The following WIF1 variants were observed in gnomAD, a reference collection of about 807,000 sequenced individuals.
The protein encoded by WIF1 is Wnt inhibitory factor 1.
WIF1 carries 35 observed loss-of-function variants against 53.5 expected under a neutral mutation model. That is an observed-to-expected ratio of 0.65 (90% CI 0.50 to 0.87). WIF1 has a LOEUF of 0.87. Ranked by LOEUF, WIF1 falls within the 40% of genes least tolerant of loss-of-function variation. The pLI, the probability that WIF1 is intolerant of heterozygous loss-of-function variation, is 0.00. For missense variants in WIF1, 467 were observed against 476.8 expected (o/e 0.98, Z 0.19); for synonymous variants, 171 against 170.4 (o/e 1.00, Z -0.03).
chr12:65,094,721 T>C (rs888458804), intron 2 of WIF1, among the ~76,000 whole-genome samples: 3 of 152,040 alleles, frequency 2.0e-5, no homozygotes, highest in Non-Finnish European at 4.4e-5. Flanking sequence ...CAGATGAGTA[T>C]ATAAAACCAA....
In WIF1 at chr12:65,120,047, G is replaced by A. The variant is rs74927837; in HGVS notation, c.288+370C>T. Reference sequence around the variant, plus strand: ...AACTTTAAAATTTGTTGTAAAGTATGAAGAATGTCACAAGTGATTAGAAAC... The same window carrying A: ...AACTTTAAAATTTGTTGTAAAGTATAAAGAATGTCACAAGTGATTAGAAAC... On this transcript the variant is annotated intron_variant, in intron 2 of 9. Transcript: ENST00000286574. Among the ~76,000 whole-genome samples the A allele has an allele frequency of 8.7e-4, 133 of 152,300 alleles. 3 individuals carry two copies. In the East Asian group the frequency reaches 0.023, roughly 26 times the overall value.
intron 2 of WIF1, among the ~76,000 whole-genome samples, chr12:65,090,477 C>T (rs1883105849): frequency 6.6e-6 from 1 of 152,044 alleles, no homozygotes; most frequent in Non-Finnish European, 1.5e-5. Context: ...GATCATTAAT[C>T]AAGTAAGTAA....
intron 2 of WIF1, among the ~76,000 whole-genome samples, chr12:65,107,124 T>C (rs914992485): frequency 6.6e-6 from 1 of 152,200 alleles, no homozygotes; most frequent in Non-Finnish European, 1.5e-5. Flanking sequence ...AAAAACAATG[T>C]TGAGATGAAA....
chr12:65,114,848 G>A (rs563790719), intron 2 of WIF1, among the ~76,000 whole-genome samples: 1 of 152,070 alleles, frequency 6.6e-6, no homozygotes, highest in South Asian at 2.1e-4. Flanking sequence ...GCAACACTTC[G>A]GTTTTGTTTT....
rs148618282 is a variant in WIF1, at chr12:65,083,350, G to T, written c.289-5496C>A. On this transcript the variant is annotated intron_variant, in intron 2 of 9. Transcript: ENST00000286574. ...ATGATTAAAATAATCTGAATATCTA[G>T]AGCAAAAATTGCCAGATCTCACATT... 8.7e-4 allele frequency among the ~76,000 whole-genome samples: 132 copies of T among 152,184 alleles called. 1 individual carries two copies. The highest frequency in any genetic ancestry group is 2.9e-3 in the African/African-American group (121 of 41,544).
chr12:65,102,788 G>A (rs1199288863), intron 2 of WIF1, among the ~76,000 whole-genome samples: 1 of 152,078 alleles, frequency 6.6e-6, no homozygotes, highest in Non-Finnish European at 1.5e-5. Flanking sequence ...CCTAGTCCTG[G>A]CCCTCTGTTC....
At chr12:65,112,551 A>G (rs1883450053) in intron 2 of WIF1, among the ~76,000 whole-genome samples, 1 of 152,062 alleles carries the variant, frequency 6.6e-6, no homozygotes, top group African/African-American at 2.4e-5. Context: ...GACCCAACAC[A>G]TACTCAACGA....
chr12:65,098,525 T>C (rs1883237287), intron 2 of WIF1, among the ~76,000 whole-genome samples: 1 of 152,186 alleles, frequency 6.6e-6, no homozygotes, highest in Non-Finnish European at 1.5e-5. Context: ...CACTTCCGTT[T>C]TGCTATTGTT....
At position 65,077,827 on chromosome 12, in the gene WIF1, A is replaced by G. The variant is rs140381472; in HGVS notation, c.316T>C (p.Leu106=). 12 of 1,613,824 alleles carry G rather than the reference A, an allele frequency of 7.4e-6. No individual in the cohort carries two copies. The African/African-American group carries it at 1.6e-4, about 22-fold the overall frequency. The change falls in exon 3 of 10, where the codon TTG becomes CTG. Residue 106 remains leucine, a synonymous_variant. Coordinates refer to ENST00000286574, the MANE Select transcript of WIF1 (RefSeq NM_007191.5). ...ATGATGCCTTTATCCAGGGAGCGCA[A>G]GGACAGGAATTCATAGAAGTATTCT... is the stretch of plus-strand genomic sequence containing the variant. The part of the protein sequence containing the change: ...QAEYFYEFLS[L]RSLDKGIMAD...
At chr12:65,062,005 G>A (rs776142996) in intron 7 of WIF1, among the ~76,000 whole-genome samples, 11 of 151,990 alleles carry the variant, frequency 7.2e-5, no homozygotes, top group African/African-American at 1.7e-4. Flanking sequence ...ATTGCTATGC[G>A]CCTCTTTTTT....
intron 6 of WIF1, 89 bp from the exon 7 acceptor site, chr12:65,062,665 C>A: frequency 8.6e-7 from 1 of 1,159,868 alleles, no homozygotes; most frequent in African/African-American, 1.5e-5. Context: ...ATTTTTTAGG[C>A]ATCTGCTTGC....
chr12:65,076,089 G>A (rs1233635122), intron 3 of WIF1, among the ~76,000 whole-genome samples: 3 of 152,214 alleles, frequency 2.0e-5, no homozygotes, highest in African/African-American at 7.2e-5. Context: ...CCTGGCTGGA[G>A]TGCAGTGGTG....
intron 2 of WIF1, among the ~76,000 whole-genome samples, chr12:65,081,421 C>T (rs7299766): frequency 0.45 from 67,868 of 151,914 alleles, 18,054 homozygotes; most frequent in East Asian, 0.69. Context: ...TCAGGTATGA[C>T]CACAGAAGGT....
chr12:65,104,436 G>A (rs1247782634), intron 2 of WIF1, among the ~76,000 whole-genome samples: 1 of 152,140 alleles, frequency 6.6e-6, no homozygotes, highest in Non-Finnish European at 1.5e-5. Context: ...ATTTCAAAGG[G>A]CTCAAATTGC....
chr12:65,099,568 C>G (rs542160892), intron 2 of WIF1, among the ~76,000 whole-genome samples: 1 of 152,300 alleles, frequency 6.6e-6, no homozygotes, highest in Admixed American at 6.5e-5. Context: ...GCAGACACTT[C>G]AAAGCCTGAA....
chr12:65,110,254 C>A (rs1251225760), intron 2 of WIF1, among the ~76,000 whole-genome samples: 1 of 143,458 alleles, frequency 7.0e-6, no homozygotes, highest in East Asian at 2.2e-4. Flanking sequence ...CTGCCCCCTG[C>A]CCCCTTCCCC....
At chr12:65,059,703 G>A (rs1213207451) in intron 7 of WIF1, among the ~76,000 whole-genome samples, 1 of 151,774 alleles carries the variant, frequency 6.6e-6, no homozygotes, top group Admixed American at 6.6e-5. Flanking sequence ...CTAGGCTGGA[G>A]TGCAGTGGCT....
Position 65,105,650 on chromosome 12 carries a change from A to T in WIF1, c.288+14767T>A, listed in dbSNP as rs547986033. ...GGGTGTAGCTGAGAAGGCTTGACCC[A>T]CTTTCTAAGAACCCACTTTCATGGA... is the stretch of plus-strand genomic sequence containing the variant. On this transcript the variant is annotated intron_variant, in intron 2 of 9. Coordinates refer to ENST00000286574, the MANE Select transcript of WIF1 (RefSeq NM_007191.5). Among the ~76,000 whole-genome samples, 20 of 152,198 alleles carry T rather than the reference A, an allele frequency of 1.3e-4. No homozygotes were observed. The East Asian group carries it at 3.7e-3, about 28-fold the overall frequency.
chr12:65,091,255 AAAAG>A (rs1197009519), intron 2 of WIF1, among the ~76,000 whole-genome samples: 3 of 150,614 alleles, frequency 2.0e-5, no homozygotes, highest in African/African-American at 7.3e-5. Flanking sequence ...AGGAATGAAA[AAAAG>A]AAAGACATAG....
Sources: allele counts gnomAD v4.1 joint callset (sites outside exome capture counted in the v4.1 genomes callset), GRCh38; gene constraint gnomAD v4.1.1; transcripts MANE v1.5; gene names NCBI Gene and HGNC (gene_info 2026-07-23, HGNC 2026-07-21).